NAALADL2: variants seen among roughly 807,000 people sequenced by gnomAD.
NAALADL2 encodes the protein N-acetylated alpha-linked acidic dipeptidase like 2.
Under a neutral mutation model 87.2 loss-of-function variants are expected in NAALADL2, and 76 were observed. That is an observed-to-expected ratio of 0.87 (90% CI 0.72 to 1.05). The LOEUF is 1.05. NAALADL2 is among the 50% of genes least tolerant of loss of function. The pLI, the probability that NAALADL2 is intolerant of heterozygous loss-of-function variation, is 0.00. For synonymous variants in NAALADL2, 354 were observed against 331.0 expected (o/e 1.07, Z -0.75); for missense variants, 1,089 against 945.8 (o/e 1.15, Z -1.99).
At chr3:174,789,026 A>G (rs1717139438) in intron 3 of NAALADL2, among the ~76,000 whole-genome samples, 1 of 152,248 alleles carries the variant, frequency 6.6e-6, no homozygotes, top group Non-Finnish European at 1.5e-5. Flanking sequence ...GGTCTTCGAT[A>G]GAACGATTTT....
intron 1 of NAALADL2, among the ~76,000 whole-genome samples, chr3:174,545,080 T>C (rs1431255296): frequency 6.6e-6 from 1 of 152,060 alleles, no homozygotes; most frequent in African/African-American, 2.4e-5. Flanking sequence ...GGTCTTGCCA[T>C]GTTGTCCAGT....
At chr3:175,532,260 G>T in intron 9 of NAALADL2, among the ~76,000 whole-genome samples, 1 of 152,330 alleles carries the variant, frequency 6.6e-6, no homozygotes, top group Non-Finnish European at 1.5e-5. Flanking sequence ...TCAGCTCAGA[G>T]CCAATGTCCA....
chr3:175,784,590 CTCTT>C (rs1300473470), intron 13 of NAALADL2, among the ~76,000 whole-genome samples: 17 of 144,078 alleles, frequency 1.2e-4, no homozygotes, highest in African/African-American at 4.1e-4. Flanking sequence ...TGATTCTTCT[CTCTT>C]TTTTTCTTTA....
At chr3:174,852,798 A>G (rs1185985465) in intron 3 of NAALADL2, among the ~76,000 whole-genome samples, 5 of 152,134 alleles carry the variant, frequency 3.3e-5, no homozygotes, top group Admixed American at 1.3e-4. Flanking sequence ...TCATAACATT[A>G]CCTTACTTCA....
intron 1 of NAALADL2, among the ~76,000 whole-genome samples, chr3:174,482,873 TATAAG>T (rs1361750126): frequency 6.6e-6 from 1 of 152,118 alleles, no homozygotes; most frequent in African/African-American, 2.4e-5. Flanking sequence ...GCTGTAGCAT[TATAAG>T]ATAAGCTTTG....
At chr3:174,546,447 A>C (rs571854536) in intron 1 of NAALADL2, among the ~76,000 whole-genome samples, 1 of 152,200 alleles carries the variant, frequency 6.6e-6, no homozygotes, top group African/African-American at 2.4e-5. Flanking sequence ...AAGGAGTCCT[A>C]TTCTTAACTG....
intron 3 of NAALADL2, among the ~76,000 whole-genome samples, chr3:174,804,077 A>C (rs557965222): frequency 4.5e-4 from 68 of 152,148 alleles, no homozygotes; most frequent in African/African-American, 1.6e-3. Flanking sequence ...CCATTTTCAC[A>C]ATATTGATTC....
intron 2 of NAALADL2, among the ~76,000 whole-genome samples, chr3:174,718,921 A>G (rs2108943971): frequency 6.6e-6 from 1 of 152,324 alleles, no homozygotes; most frequent in Admixed American, 6.5e-5. Flanking sequence ...CATTGGAAAA[A>G]AAATGCAGTC....
At chr3:174,765,392 A>G (rs1474638233) in intron 3 of NAALADL2, among the ~76,000 whole-genome samples, 1 of 152,200 alleles carries the variant, frequency 6.6e-6, no homozygotes, top group Non-Finnish European at 1.5e-5. Flanking sequence ...TTTTATATTT[A>G]TTACTAAATA....
intron 11 of NAALADL2, among the ~76,000 whole-genome samples, chr3:175,727,343 G>C (rs1317046195): frequency 6.6e-6 from 1 of 152,140 alleles, no homozygotes; most frequent in Non-Finnish European, 1.5e-5. Context: ...CCAAAATGCT[G>C]TTTTCAAGTT....
chr3:175,634,162 T>G (rs1268745460), intron 11 of NAALADL2, among the ~76,000 whole-genome samples: 2 of 151,900 alleles, frequency 1.3e-5, no homozygotes, highest in Non-Finnish European at 2.9e-5. Context: ...GATTTAAAAA[T>G]TTTAATAATT....
chr3:175,254,272 A>G (rs1329607829), intron 3 of NAALADL2, among the ~76,000 whole-genome samples: 1 of 152,184 alleles, frequency 6.6e-6, no homozygotes, highest in Non-Finnish European at 1.5e-5. Context: ...GCAGCCACTA[A>G]CATTGAGGCA....
intron 2 of NAALADL2, among the ~76,000 whole-genome samples, chr3:175,099,769 A>G (rs975475640): frequency 5.3e-5 from 8 of 152,140 alleles, no homozygotes; most frequent in African/African-American, 1.9e-4. Context: ...AAGTTGTGCA[A>G]TACAAAATAT....
chr3:174,521,789 T>A (rs1164266852), intron 1 of NAALADL2, among the ~76,000 whole-genome samples: 1 of 151,964 alleles, frequency 6.6e-6, no homozygotes, highest in Non-Finnish European at 1.5e-5. Flanking sequence ...CAAAAGGGTG[T>A]AGAAGGAGAG....
chr3:175,122,764 G>A (rs1261872324), intron 2 of NAALADL2, among the ~76,000 whole-genome samples: 1 of 151,750 alleles, frequency 6.6e-6, no homozygotes, highest in African/African-American at 2.4e-5. Context: ...TATGAACATT[G>A]TCTCAATCTG....
chr3:175,347,397 C>A lies in NAALADL2; in HGVS notation c.1090+23072C>A, dbSNP rs114370936. ...CATAGGGTATTTAAAACTAAATATA[C>A]TGGGTCTACCCCATAAGCCTTCATA... On this transcript the variant is annotated intron_variant, in intron 5 of 13. Coordinates refer to ENST00000454872, the MANE Select transcript of NAALADL2 (RefSeq NM_207015.3). 3.6e-3 allele frequency among the ~76,000 whole-genome samples: 543 copies of A among 152,242 alleles called. 3 individuals are homozygous for A. The highest frequency in any genetic ancestry group is 0.013 in the African/African-American group (525 of 41,544).
chr3:175,790,515 C>G (rs1752656111), intron 13 of NAALADL2, among the ~76,000 whole-genome samples: 1 of 152,144 alleles, frequency 6.6e-6, no homozygotes, highest in African/African-American at 2.4e-5. Context: ...TGGTATAAGA[C>G]AAAGAACTTT....
chr3:175,001,051 T>C (rs368438802), intron 1 of NAALADL2, among the ~76,000 whole-genome samples: 22 of 152,306 alleles, frequency 1.4e-4, no homozygotes, highest in African/African-American at 4.1e-4. Flanking sequence ...CATGGTTTGT[T>C]TGGAAGTGAG....
intron 13 of NAALADL2, among the ~76,000 whole-genome samples, chr3:175,758,549 GT>G (rs1747576100): frequency 6.6e-6 from 1 of 151,804 alleles, no homozygotes; most frequent in South Asian, 2.1e-4. Flanking sequence ...CCTACTTCAT[GT>G]TTTTTCTTGA....
Sources: gnomAD v4.1 joint callset for allele counts (sites outside exome capture counted in the v4.1 genomes callset) on GRCh38, gnomAD v4.1.1 for gene constraint, MANE v1.5 for transcripts, NCBI Gene and HGNC (gene_info 2026-07-23, HGNC 2026-07-21) for gene names.